NRXN3: variants seen among roughly 807,000 people sequenced by gnomAD.
The protein encoded by NRXN3 is neurexin 3.
NRXN3 carries 32 observed loss-of-function variants against 137.6 expected under a neutral mutation model. That is an observed-to-expected ratio of 0.23 (90% CI 0.18 to 0.31). NRXN3 has a LOEUF of 0.31. Ranked by LOEUF, NRXN3 falls within the 10% of genes least tolerant of loss-of-function variation. The probability of loss-of-function intolerance (pLI) is 1.00; values close to 1 mark genes in which losing one functional copy is unlikely to be tolerated. For missense variants in NRXN3, 1,574 were observed against 2,062.5 expected, an observed-to-expected ratio of 0.76 and a Z score of 4.59; for synonymous variants, 798 against 784.5, an observed-to-expected ratio of 1.02 and a Z score of -0.29.
chr14:78,753,777 G>T (rs2098654654), intron 8 of NRXN3: 1 of 152,148 alleles, frequency 6.6e-6, no homozygotes, highest in African/African-American at 2.4e-5. Flanking sequence ...CAGCATCGAT[G>T]GTGCAATAGA....
chr14:79,311,569 T>C (rs2087303095), intron 15 of NRXN3, among the ~76,000 whole-genome samples: 1 of 117,342 alleles, frequency 8.5e-6, no homozygotes, highest in Non-Finnish European at 1.7e-5. Context: ...GGTCCTGGAC[T>C]CTTTTTGGTT....
intron 20 of NRXN3, chr14:79,853,837 G>T (rs2099396900): frequency 3.1e-6 from 3 of 982,180 alleles, no homozygotes; most frequent in Non-Finnish European, 2.4e-6. Flanking sequence ...TAGAGTCATA[G>T]AATTTTTTGA....
intron 4 of NRXN3, among the ~76,000 whole-genome samples, chr14:78,361,832 G>A (rs1234130696): frequency 3.3e-5 from 5 of 152,146 alleles, no homozygotes; most frequent in Non-Finnish European, 7.3e-5. Flanking sequence ...AAGCTATTAG[G>A]ATTTATATTA....
intron 15 of NRXN3, among the ~76,000 whole-genome samples, chr14:79,329,890 G>T (rs933047832): frequency 6.6e-6 from 1 of 151,346 alleles, no homozygotes; most frequent in Non-Finnish European, 1.5e-5. Flanking sequence ...CACCAAGCTG[G>T]AGTGCAGTGG....
Position 79,023,059 on chromosome 14 carries a change from C to T in NRXN3, c.3262+34918C>T, listed in dbSNP as rs564512173. Among the ~76,000 whole-genome samples, 345 of 149,398 alleles carry T rather than the reference C, an allele frequency of 2.3e-3. 2 individuals are homozygous for T. The highest frequency in any genetic ancestry group is 5.1e-3 in the South Asian group (24 of 4,672). ...AAGCACTTTGGTTGATGGAGGGCAG[C>T]GGGTGGCTTTGAGGTCATCAGGATG... On this transcript the variant is annotated intron_variant, in intron 15 of 20. Transcript: ENST00000335750.
chr14:78,665,065 T>C (rs535492341), intron 6 of NRXN3, among the ~76,000 whole-genome samples: 9 of 152,300 alleles, frequency 5.9e-5, no homozygotes, highest in African/African-American at 2.2e-4. Flanking sequence ...AATGACAGCA[T>C]GTATAAAGTC....
chr14:79,066,962 T>A (rs114358363), intron 15 of NRXN3, among the ~76,000 whole-genome samples: 2 of 152,138 alleles, frequency 1.3e-5, no homozygotes, highest in African/African-American at 4.8e-5. Context: ...TTTTATTTTT[T>A]CCTCTTGCCT....
chr14:78,649,942 A>G (rs968120573), intron 5 of NRXN3, among the ~76,000 whole-genome samples: 5 of 152,110 alleles, frequency 3.3e-5, no homozygotes, highest in Admixed American at 3.3e-4. Flanking sequence ...TCCTACCTGC[A>G]TCAGAATTTG....
chr14:78,912,022 A>G (rs112364003), intron 10 of NRXN3, among the ~76,000 whole-genome samples: 4,058 of 151,382 alleles, frequency 0.027, 110 homozygotes, highest in South Asian at 0.065. Flanking sequence ...TGCACCCATT[A>G]ACTCGTCATT....
chr14:78,860,332 T>C (rs181360038), intron 10 of NRXN3, among the ~76,000 whole-genome samples: 1 of 152,302 alleles, frequency 6.6e-6, no homozygotes. Flanking sequence ...AGCTCTTAGA[T>C]AGTAAATTCA....
chr14:79,640,485 A>G (rs2098426733), intron 16 of NRXN3, among the ~76,000 whole-genome samples: 1 of 135,510 alleles, frequency 7.4e-6, no homozygotes, highest in Non-Finnish European at 1.7e-5. Flanking sequence ...CAAACCATGT[A>G]TTTCTTATCA....
At chr14:78,584,656 G>T (rs934936157) in intron 4 of NRXN3, among the ~76,000 whole-genome samples, 2 of 152,220 alleles carry the variant, frequency 1.3e-5, no homozygotes, top group African/African-American at 2.4e-5. Context: ...TGCTTTGGGA[G>T]TCATCTGTTG....
chr14:79,622,717 C>T (rs1454618128), intron 16 of NRXN3, among the ~76,000 whole-genome samples: 2 of 152,148 alleles, frequency 1.3e-5, no homozygotes, highest in African/African-American at 4.8e-5. Context: ...CTGCCTCAGC[C>T]TCCTGAGTAG....
intron 4 of NRXN3, among the ~76,000 whole-genome samples, chr14:78,371,756 G>A (rs1261702560): frequency 1.3e-5 from 2 of 152,214 alleles, no homozygotes; most frequent in South Asian, 4.1e-4. Flanking sequence ...GTGGCGAGAC[G>A]GGCCAAGAGC....
intron 15 of NRXN3, among the ~76,000 whole-genome samples, chr14:79,448,612 G>A (rs2096109660): frequency 6.6e-6 from 1 of 152,170 alleles, no homozygotes. Flanking sequence ...ATATTTAACA[G>A]TGTGTGTAGC....
intron 16 of NRXN3, among the ~76,000 whole-genome samples, chr14:79,597,576 G>T (rs1731364734): frequency 6.6e-6 from 1 of 152,120 alleles, no homozygotes; most frequent in Non-Finnish European, 1.5e-5. Context: ...TGTCCCATTT[G>T]TAATATTATT....
chr14:79,015,199 A>G (rs968817215), intron 15 of NRXN3, among the ~76,000 whole-genome samples: 3 of 149,214 alleles, frequency 2.0e-5, no homozygotes, highest in African/African-American at 7.8e-5. Context: ...CAACTGCCAA[A>G]GACACCATTT....
chr14:79,547,387 G>A (rs2097331059), intron 16 of NRXN3, among the ~76,000 whole-genome samples: 1 of 152,140 alleles, frequency 6.6e-6, no homozygotes, highest in African/African-American at 2.4e-5. Context: ...AAACAAAGCT[G>A]CTAACTCCAC....
chr14:79,861,746 G>A lies in NRXN3; in HGVS notation c.4498G>A (p.Val1500Ile), dbSNP rs1603620616. 4.3e-6 allele frequency: 7 copies of A among 1,614,062 alleles called. No individual in the cohort carries two copies. The highest frequency in any genetic ancestry group is 5.1e-6 in the Non-Finnish European group (6 of 1,180,022). The part of the protein sequence containing the change: ...RESSSTTGMV[V>I]GIVAAAALCI... ...GTCGAGCAGCACAACAGGGATGGTC[G>A]TCGGCATTGTGGCTGCTGCCGCCCT... Residue 1500 changes from valine (V) to isoleucine (I), a missense_variant, in exon 21 of 21, where the codon GTC becomes ATC. Coordinates refer to ENST00000335750, the MANE Select transcript of NRXN3 (RefSeq NM_001330195.2). The surrounding 1 kb of genome is among the most constrained non-coding windows in gnomAD (Gnocchi z 5.4).
Sources: gnomAD v4.1 joint callset for allele counts (sites outside exome capture counted in the v4.1 genomes callset) on GRCh38, gnomAD v4.1.1 for gene constraint, Gnocchi (gnomAD v3.1) non-coding constraint, MANE v1.5 for transcripts, NCBI Gene and HGNC (gene_info 2026-07-23, HGNC 2026-07-21) for gene names.